PRKG1: variants seen among roughly 807,000 people sequenced by gnomAD.
The protein encoded by PRKG1 is cGMP-dependent protein kinase 1.
PRKG1 carries 35 observed loss-of-function variants against 88.1 expected under a neutral mutation model. The ratio of observed to expected loss-of-function variants is 0.40; its 90% CI spans 0.30 to 0.53. The LOEUF (loss-of-function observed/expected upper bound fraction) is 0.53. Ranked by LOEUF, PRKG1 falls within the 20% of genes least tolerant of loss-of-function variation. The pLI is 0.59. For synonymous variants in PRKG1, 303 were observed against 292.5 expected, an observed-to-expected ratio of 1.04 and a Z score of -0.37; for missense variants, 540 against 839.8, an observed-to-expected ratio of 0.64 and a Z score of 4.41.
At chr10:51,540,938 C>T (rs775044075) in intron 3 of PRKG1, among the ~76,000 whole-genome samples, 16 of 152,110 alleles carry the variant, frequency 1.1e-4, no homozygotes, top group Admixed American at 6.5e-4. Context: ...AGGCTGGTCT[C>T]GAACTCCTGA....
At chr10:50,998,329 T>G (rs1174448803) in intron 1 of PRKG1, among the ~76,000 whole-genome samples, 1 of 152,032 alleles carries the variant, frequency 6.6e-6, no homozygotes, top group Non-Finnish European at 1.5e-5. Flanking sequence ...ATGGAGCAGA[T>G]TTCTTACTCA....
At chr10:51,276,800 T>G (rs1216836721) in intron 2 of PRKG1, among the ~76,000 whole-genome samples, 3 of 152,198 alleles carry the variant, frequency 2.0e-5, no homozygotes, top group South Asian at 4.1e-4. Flanking sequence ...TCGCCCACTT[T>G]TTGATGGGGT....
intron 3 of PRKG1, among the ~76,000 whole-genome samples, chr10:51,665,828 C>T (rs375357266): frequency 2.0e-5 from 3 of 151,726 alleles, no homozygotes; most frequent in East Asian, 3.9e-4. Flanking sequence ...TGTCATCGAC[C>T]TCAACGGATT....
At chr10:51,197,794 G>T (rs959123922) in intron 2 of PRKG1, among the ~76,000 whole-genome samples, 1 of 149,356 alleles carries the variant, frequency 6.7e-6, no homozygotes, top group Admixed American at 6.7e-5. Context: ...AGCTTAGCAG[G>T]TTTAAGAGGT....
intron 2 of PRKG1, among the ~76,000 whole-genome samples, chr10:51,281,059 G>A (rs1161812395): frequency 1.3e-5 from 2 of 152,144 alleles, no homozygotes; most frequent in Non-Finnish European, 2.9e-5. Flanking sequence ...TGTCCTTTCT[G>A]TTTGTTAGTT....
At chr10:51,107,117 G>A (rs566481766) in intron 1 of PRKG1, among the ~76,000 whole-genome samples, 251 of 152,214 alleles carry the variant, frequency 1.6e-3, no homozygotes, top group African/African-American at 5.7e-3. Context: ...TTAAAAGGGG[G>A]TGGCCATGAA....
chr10:52,079,317 C>T (rs1402255258), intron 7 of PRKG1, among the ~76,000 whole-genome samples: 1 of 152,052 alleles, frequency 6.6e-6, no homozygotes, highest in Non-Finnish European at 1.5e-5. Flanking sequence ...CCCAGTATAT[C>T]AAAGCACCAC....
intron 7 of PRKG1, among the ~76,000 whole-genome samples, chr10:52,072,077 C>T (rs1846509798): frequency 6.6e-6 from 1 of 151,542 alleles, no homozygotes; most frequent in South Asian, 2.1e-4. Flanking sequence ...CCTTATGACT[C>T]CTGTGCGGCT....
intron 3 of PRKG1, among the ~76,000 whole-genome samples, chr10:51,721,220 AAAAAAAAAAAAAG>A (rs1172131712): frequency 1.1e-5 from 1 of 91,682 alleles, no homozygotes; most frequent in Non-Finnish European, 2.6e-5. Flanking sequence ...ATTAAAAAAA[AAAAAAAAAAAAAG>A]AAAAAAAAAG....
At chr10:52,274,131 T>C (rs1841805495) in intron 12 of PRKG1, among the ~76,000 whole-genome samples, 1 of 152,038 alleles carries the variant, frequency 6.6e-6, no homozygotes, top group Admixed American at 6.6e-5. Flanking sequence ...CTTATTATTT[T>C]TTTATTTTTT....
chr10:51,346,209 A>C (rs1024497921), intron 2 of PRKG1, among the ~76,000 whole-genome samples: 51 of 152,324 alleles, frequency 3.3e-4, no homozygotes, highest in African/African-American at 1.2e-3. Context: ...CTCATAATTT[A>C]TTTCAAATTT....
intron 2 of PRKG1, among the ~76,000 whole-genome samples, chr10:51,273,695 CAG>C (rs761188181): frequency 6.6e-6 from 1 of 152,284 alleles, no homozygotes; most frequent in East Asian, 1.9e-4. Flanking sequence ...CTAAAATTTG[CAG>C]AGTGTGGCAA....
chr10:51,393,467 G>A (rs1228797676), intron 2 of PRKG1, among the ~76,000 whole-genome samples: 1 of 152,218 alleles, frequency 6.6e-6, no homozygotes, highest in Non-Finnish European at 1.5e-5. Flanking sequence ...GTGGCGGCCG[G>A]GCAGCTACAT....
intron 3 of PRKG1, among the ~76,000 whole-genome samples, chr10:51,686,223 T>C (rs1840986821): frequency 1.3e-5 from 2 of 152,138 alleles, no homozygotes; most frequent in African/African-American, 2.4e-5. Context: ...TCGCGGGGCT[T>C]TGGTGTACAA....
chr10:51,253,797 T>G (rs138523849), intron 2 of PRKG1, among the ~76,000 whole-genome samples: 1 of 151,978 alleles, frequency 6.6e-6, no homozygotes, highest in Admixed American at 6.6e-5. Context: ...CTTTAATCTT[T>G]GTAAATGCAA....
At chr10:51,064,199 G>GT (rs1370070177) in intron 1 of PRKG1, among the ~76,000 whole-genome samples, 1 of 151,932 alleles carries the variant, frequency 6.6e-6, no homozygotes, top group Non-Finnish European at 1.5e-5. Context: ...AATTACATAT[G>GT]TTTTTCCTCT....
chr10:51,429,630 A>G (rs894974151), intron 2 of PRKG1, among the ~76,000 whole-genome samples: 4 of 152,208 alleles, frequency 2.6e-5, no homozygotes, highest in Non-Finnish European at 5.9e-5. Context: ...ATATCAATAT[A>G]GACATAAATT....
chr10:51,126,568 A>G (rs1845428316), intron 1 of PRKG1, among the ~76,000 whole-genome samples: 1 of 150,134 alleles, frequency 6.7e-6, no homozygotes, highest in African/African-American at 2.4e-5. Context: ...ATTTAATGCT[A>G]TTCCCATTAA....
chr10:52,105,505 C>G (rs1374836315), intron 7 of PRKG1, among the ~76,000 whole-genome samples: 1 of 152,124 alleles, frequency 6.6e-6, no homozygotes, highest in African/African-American at 2.4e-5. Context: ...GGTGCTATGC[C>G]GGACTGCAGA....
Sources: gnomAD v4.1 joint callset for allele counts (sites outside exome capture counted in the v4.1 genomes callset) on GRCh38, gnomAD v4.1.1 for gene constraint, MANE v1.5 for transcripts, NCBI Gene and HGNC (gene_info 2026-07-23, HGNC 2026-07-21) for gene names.